COLEC12: variants seen among roughly 807,000 people sequenced by gnomAD.
COLEC12 encodes collectin-12.
In COLEC12, 33 loss-of-function variants were observed where a neutral mutation model predicts 71.1. The ratio of observed to expected loss-of-function variants is 0.46; its 90% CI spans 0.35 to 0.62. The LOEUF (loss-of-function observed/expected upper bound fraction) is 0.62. Ranked by LOEUF, COLEC12 falls within the 20% of genes least tolerant of loss-of-function variation. The pLI is 0.00. For synonymous variants in COLEC12, 350 were observed against 353.0 expected, an observed-to-expected ratio of 0.99 and a Z score of 0.10; for missense variants, 765 against 916.1, an observed-to-expected ratio of 0.84 and a Z score of 2.13.
intron 2 of COLEC12, among the ~76,000 whole-genome samples, chr18:388,058 G>C (rs1915384006): frequency 6.6e-6 from 1 of 152,208 alleles, no homozygotes; most frequent in Non-Finnish European, 1.5e-5. Context: ...TAGGCAGACA[G>C]ATGTAAGCTG....
chr18:330,873 G>GTTTTTTTTTTTTTTTTTTT (rs60146586), intron 8 of COLEC12, among the ~76,000 whole-genome samples: 4 of 133,766 alleles, frequency 3.0e-5, no homozygotes, highest in Non-Finnish European at 3.1e-5. Context: ...CACATTTGTA[G>GTTTTTTTTTTTTTTTTTTT]TTTTTTTTTT....
intron 2 of COLEC12, among the ~76,000 whole-genome samples, chr18:409,682 A>C (rs1915856504): frequency 6.6e-6 from 1 of 152,230 alleles, no homozygotes; most frequent in African/African-American, 2.4e-5. Flanking sequence ...TAATACTAGA[A>C]CATGTTAACA....
chr18:321,962 GAGAAA>G (rs1224319997), intron 8 of COLEC12, among the ~76,000 whole-genome samples, 155 bp from the exon 9 acceptor site: 1 of 152,224 alleles, frequency 6.6e-6, no homozygotes, highest in African/African-American at 2.4e-5. Flanking sequence ...CTCTTATTCA[GAGAAA>G]GGAGCAGCTG....
intron 2 of COLEC12, among the ~76,000 whole-genome samples, chr18:389,153 A>C (rs1053264920): frequency 2.6e-5 from 4 of 152,136 alleles, no homozygotes; most frequent in Non-Finnish European, 5.9e-5. Context: ...ATTAGAAAAT[A>C]ATTTTTGAAA....
intron 2 of COLEC12, among the ~76,000 whole-genome samples, chr18:360,800 G>A (rs894416257): frequency 2.0e-5 from 3 of 152,154 alleles, no homozygotes; most frequent in Non-Finnish European, 4.4e-5. Flanking sequence ...TGTAAAATTA[G>A]ACTCACTGAT....
chr18:360,147 G>A (rs915352618), intron 2 of COLEC12, among the ~76,000 whole-genome samples: 1 of 151,626 alleles, frequency 6.6e-6, no homozygotes, highest in Non-Finnish European at 1.5e-5. Flanking sequence ...TAATTCAGGA[G>A]GTCTGAGAAG....
At chr18:347,985 T>C (rs1230328203) in intron 4 of COLEC12, 80 bp downstream of exon 4, 1 of 922,492 alleles carries the variant, frequency 1.1e-6, no homozygotes. Context: ...ATGGGGAGTT[T>C]ATAGCAACAT....
intron 2 of COLEC12, among the ~76,000 whole-genome samples, chr18:383,466 C>T (rs1303572559): frequency 6.6e-6 from 1 of 152,070 alleles, no homozygotes; most frequent in South Asian, 2.1e-4. Context: ...TACAATAATA[C>T]CTGCCAGAAA....
intron 2 of COLEC12, among the ~76,000 whole-genome samples, chr18:468,767 A>G (rs1917136840): frequency 6.6e-6 from 1 of 152,248 alleles, no homozygotes; most frequent in Admixed American, 6.5e-5. Flanking sequence ...CCCTCGTTCC[A>G]TAACAAGAAA....
intron 5 of COLEC12, among the ~76,000 whole-genome samples, chr18:338,457 A>T (rs1914168675): frequency 6.6e-6 from 1 of 152,182 alleles, no homozygotes; most frequent in African/African-American, 2.4e-5. Context: ...TAATCTCTGT[A>T]TCAGGTGGGC....
At chr18:429,293 G>A (rs1209095120) in intron 2 of COLEC12, among the ~76,000 whole-genome samples, 1 of 152,196 alleles carries the variant, frequency 6.6e-6, no homozygotes, top group East Asian at 1.9e-4. Flanking sequence ...ACTGTTATCA[G>A]AACAATGTGT....
intron 2 of COLEC12, among the ~76,000 whole-genome samples, chr18:430,004 A>G (rs1916271445): frequency 1.3e-5 from 2 of 152,210 alleles, no homozygotes; most frequent in African/African-American, 4.8e-5. Context: ...GCCAGCTCCC[A>G]GGACAGGGCC....
intron 2 of COLEC12, among the ~76,000 whole-genome samples, chr18:460,174 C>A (rs1023705508): frequency 2.6e-5 from 4 of 152,126 alleles, no homozygotes; most frequent in African/African-American, 9.7e-5. Flanking sequence ...TACGTGGAGT[C>A]CCCCTGCTGT....
rs1469668305 is a variant in COLEC12, at chr18:399,092, C to T, written c.59-41570G>A. Among the ~76,000 whole-genome samples, 1 of 152,232 alleles carries T rather than the reference C, an allele frequency of 6.6e-6. No individual in the cohort carries two copies. The highest frequency in any genetic ancestry group is 1.5e-5 in the Non-Finnish European group (1 of 68,038). ...AAAGCATTTTGGGACCACCCATGTACACTGGGCTACTCTGTCAGCAGCTCA... is the reference window on the plus strand; with the variant it reads ...AAAGCATTTTGGGACCACCCATGTATACTGGGCTACTCTGTCAGCAGCTCA... On this transcript the variant is annotated intron_variant, in intron 2 of 9. Coordinates refer to ENST00000400256, the MANE Select transcript of COLEC12 (RefSeq NM_130386.3). The surrounding 1 kb of genome is among the most constrained non-coding windows in gnomAD (Gnocchi z 4.0).
At chr18:330,489 G>GTT (rs5822557) in intron 8 of COLEC12, among the ~76,000 whole-genome samples, 14 of 147,514 alleles carry the variant, frequency 9.5e-5, no homozygotes, top group South Asian at 2.1e-4. Context: ...TACTCAGAGG[G>GTT]TTTTTTTTTT....
rs1598322411 is a variant in COLEC12 at position 318,119 on chromosome 18, G to C, written c.*1926C>G. The C allele has an allele frequency of 4.2e-4, 1 of 2,406 alleles. No individual in the cohort carries two copies. Among genetic ancestry groups the C allele is most frequent in the Non-Finnish European group, 0.042 (1 of 24 alleles). 0.1% of individuals were successfully genotyped at this position (2,406 alleles called of 1,614,324 possible). ...AGCCTCCCGAGTAGCTGGGACTACA[G>C]GCGCCCGCCACCGCGCCCGGCTAAT... On this transcript the variant is annotated 3_prime_UTR_variant, in exon 10 of 10. Transcript: ENST00000400256.
intron 5 of COLEC12, among the ~76,000 whole-genome samples, chr18:338,519 T>C (rs1914169969): frequency 6.6e-6 from 1 of 152,206 alleles, no homozygotes; most frequent in Non-Finnish European, 1.5e-5. Context: ...TCCTTGCTAC[T>C]GACCCTCATG....
At position 369,017 on chromosome 18, in the gene COLEC12, A is replaced by G. The variant is rs183198901; in HGVS notation, c.59-11495T>C. Among the ~76,000 whole-genome samples, 178 of 152,308 alleles carry G rather than the reference A, an allele frequency of 1.2e-3. 5 individuals carry two copies. Among genetic ancestry groups the G allele is most frequent in the African/African-American group, 3.9e-3 (162 of 41,558 alleles). On this transcript the variant is annotated intron_variant, in intron 2 of 9. Transcript: ENST00000400256. ...TCTCTTCACAACTCTATGTTCAGTG[A>G]CTTTATATTGGTAGCATGAAATTGG...
At chr18:471,869 A>C (rs1038194077) in intron 2 of COLEC12, among the ~76,000 whole-genome samples, 1 of 152,114 alleles carries the variant, frequency 6.6e-6, no homozygotes, top group Non-Finnish European at 1.5e-5. Context: ...AATTTCGAAA[A>C]GGACTTGTGA....
Sources: allele counts gnomAD v4.1 joint callset (sites outside exome capture counted in the v4.1 genomes callset), GRCh38; gene constraint gnomAD v4.1.1; non-coding constraint Gnocchi (gnomAD v3.1); transcripts MANE v1.5; gene names NCBI Gene and HGNC (gene_info 2026-07-23, HGNC 2026-07-21).